DCDC1: variants seen among roughly 807,000 people sequenced by gnomAD.
DCDC1 encodes doublecortin domain containing 1, also known as doublecortin domain-containing protein 1.
DCDC1 carries 200 observed loss-of-function variants against 178.3 expected under a neutral mutation model. That is an observed-to-expected ratio of 1.12 (90% CI 1.00 to 1.26). DCDC1 has a LOEUF of 1.26. Ranked by LOEUF, DCDC1 falls within the 50% of genes most tolerant of loss-of-function variation. DCDC1 has a pLI of 0.00. For missense variants in DCDC1, 1,983 were observed against 1,749.2 expected, an observed-to-expected ratio of 1.13 and a Z score of -2.38; for synonymous variants, 690 against 604.8, an observed-to-expected ratio of 1.14 and a Z score of -2.07.
intron 36 of DCDC1, among the ~76,000 whole-genome samples, chr11:30,887,585 C>T (rs1943291051): frequency 6.6e-6 from 1 of 152,176 alleles, no homozygotes; most frequent in Non-Finnish European, 1.5e-5. Context: ...ATTTGTTAGT[C>T]TTCTAGGATC....
At chr11:31,108,618 C>T (rs989089824) in intron 12 of DCDC1, among the ~76,000 whole-genome samples, 13 of 152,140 alleles carry the variant, frequency 8.5e-5, no homozygotes, top group Non-Finnish European at 1.2e-4. Context: ...AAGAGGGATG[C>T]GAGGTAGACA....
At chr11:30,901,644 A>G (rs1458762815) in intron 32 of DCDC1, among the ~76,000 whole-genome samples, 2 of 152,196 alleles carry the variant, frequency 1.3e-5, no homozygotes, top group Non-Finnish European at 2.9e-5. Context: ...GAAGAGATGG[A>G]ATCAAAAGAA....
intron 8 of DCDC1, among the ~76,000 whole-genome samples, chr11:31,261,591 G>A (rs1944787419): frequency 6.6e-6 from 1 of 152,154 alleles, no homozygotes; most frequent in Non-Finnish European, 1.5e-5. Context: ...TTATAAGTAA[G>A]CTAGAGATTA....
intron 9 of DCDC1, among the ~76,000 whole-genome samples, chr11:31,217,327 CT>C (rs1470941809): frequency 6.6e-6 from 1 of 152,120 alleles, no homozygotes. Context: ...ACTATATGGA[CT>C]TCAAAGTGAT....
chr11:31,315,239 A>G (rs1949005575), intron 3 of DCDC1, among the ~76,000 whole-genome samples: 1 of 139,912 alleles, frequency 7.1e-6, no homozygotes, highest in South Asian at 2.3e-4. Context: ...GCTGCTCATT[A>G]CTCCCCTGTA....
At chr11:31,104,333 G>A (rs762422364) in intron 13 of DCDC1, among the ~76,000 whole-genome samples, 1 of 152,010 alleles carries the variant, frequency 6.6e-6, no homozygotes, top group African/African-American at 2.4e-5. Flanking sequence ...CTTAAGACTC[G>A]CTATTTATCT....
Position 30,905,129 on chromosome 11 carries a change from TAG to T in DCDC1, c.4138_4139del (p.Leu1380LysfsTer45), listed in dbSNP as rs1491430794. On this transcript the variant is annotated frameshift_variant, in exon 31 of 39. Transcript: ENST00000684477. LOFTEE classifies it high-confidence loss of function. ...DLSCDKAEKT[L>X]SYYQARLLSL... ...ACAATAGACGTGCTTGGTAGTAACT[TAG>T]AGTTTTTTCAGCCTTGTCACACGAC... 1.1e-5 allele frequency: 17 copies of T among 1,610,424 alleles called. No individual in the cohort carries two copies. The African/African-American group carries it at 1.9e-4, about 18-fold the overall frequency.
intron 3 of DCDC1, among the ~76,000 whole-genome samples, chr11:31,311,970 G>C (rs935553762): frequency 6.6e-6 from 1 of 152,116 alleles, no homozygotes; most frequent in Admixed American, 6.5e-5. Flanking sequence ...TACTACCTCA[G>C]AGTGTTCCCA....
intron 25 of DCDC1, 97 bp from the exon 26 acceptor site, chr11:30,917,125 T>C: frequency 1.1e-5 from 13 of 1,191,404 alleles, no homozygotes; most frequent in Non-Finnish European, 1.3e-5. Flanking sequence ...CCACAGGATG[T>C]TGGTGGATCT....
At chr11:31,158,319 A>T (rs576666318) in intron 9 of DCDC1, among the ~76,000 whole-genome samples, 1 of 151,044 alleles carries the variant, frequency 6.6e-6, no homozygotes, top group South Asian at 2.1e-4. Context: ...GGGTTTCACC[A>T]TGTTAGCCAG....
At chr11:30,963,886 GCTAT>G (rs1949265633) in intron 20 of DCDC1, among the ~76,000 whole-genome samples, 1 of 151,944 alleles carries the variant, frequency 6.6e-6, no homozygotes, top group South Asian at 2.1e-4. Context: ...TGCTTTTTCT[GCTAT>G]CTACTTCTGG....
intron 20 of DCDC1, among the ~76,000 whole-genome samples, chr11:30,969,372 C>T (rs1444269108): frequency 6.6e-6 from 1 of 152,182 alleles, no homozygotes. Flanking sequence ...AGTGATGAGG[C>T]CTCAAACCAA....
intron 1 of DCDC1, among the ~76,000 whole-genome samples, chr11:31,340,284 G>C (rs1194869277): frequency 6.6e-6 from 1 of 152,094 alleles, no homozygotes; most frequent in Non-Finnish European, 1.5e-5. Context: ...CACTATTCTG[G>C]GGCAGTGAGA....
chr11:31,232,118 T>A (rs1039204717), intron 9 of DCDC1, among the ~76,000 whole-genome samples: 5 of 152,156 alleles, frequency 3.3e-5, no homozygotes, highest in Non-Finnish European at 7.4e-5. Flanking sequence ...ACACATACAA[T>A]CAAGAAGTTA....
At chr11:31,312,137 G>T (rs1326381594) in intron 3 of DCDC1, among the ~76,000 whole-genome samples, 1 of 152,082 alleles carries the variant, frequency 6.6e-6, no homozygotes, top group Non-Finnish European at 1.5e-5. Flanking sequence ...ATCAGCTTTT[G>T]GTCCTTACTT....
intron 18 of DCDC1, among the ~76,000 whole-genome samples, chr11:31,072,862 C>T (rs1956652542): frequency 1.3e-5 from 2 of 152,084 alleles, no homozygotes; most frequent in Admixed American, 1.3e-4. Context: ...ATTAATAGCT[C>T]CATTTTCCAG....
chr11:31,194,700 A>AC (rs1555112326), intron 9 of DCDC1, among the ~76,000 whole-genome samples: 1 of 150,268 alleles, frequency 6.7e-6, no homozygotes, highest in Non-Finnish European at 1.5e-5. Context: ...CATTTGTTTC[A>AC]TTTTTTTTTG....
chr11:31,346,463 C>CAAAAAA (rs377761189), intron 1 of DCDC1, among the ~76,000 whole-genome samples: 17 of 83,694 alleles, frequency 2.0e-4, no homozygotes, highest in East Asian at 7.5e-4. Flanking sequence ...GACTCCGTCT[C>CAAAAAA]AAAAAAAAAA....
chr11:31,028,352 G>A (rs1420600322), intron 20 of DCDC1, among the ~76,000 whole-genome samples: 2 of 151,764 alleles, frequency 1.3e-5, no homozygotes, highest in Non-Finnish European at 3.0e-5. Flanking sequence ...ATCAGTAATA[G>A]AACAAATGTC....
Sources: gnomAD v4.1 joint callset for allele counts (sites outside exome capture counted in the v4.1 genomes callset) on GRCh38, gnomAD v4.1.1 for gene constraint, MANE v1.5 for transcripts, NCBI Gene and HGNC (gene_info 2026-07-23, HGNC 2026-07-21) for gene names.